DMGDH: variants seen among roughly 807,000 people sequenced by gnomAD.
The protein encoded by DMGDH is dimethylglycine dehydrogenase, also known as dimethylglycine dehydrogenase, mitochondrial.
In DMGDH, 76 loss-of-function variants were observed where a neutral mutation model predicts 95.2. The ratio of observed to expected loss-of-function variants is 0.80; its 90% CI spans 0.66 to 0.97. The LOEUF is 0.97. DMGDH is among the 50% of genes least tolerant of loss of function. The pLI is 0.00. For missense variants in DMGDH, 987 were observed against 1,055.0 expected (o/e 0.94, Z 0.89); for synonymous variants, 345 against 377.6 (o/e 0.91, Z 1.00).
intron 3 of DMGDH, 81 bp downstream of exon 3, chr5:79,055,729 T>G: frequency 1.1e-6 from 1 of 899,886 alleles, no homozygotes; most frequent in Non-Finnish European, 1.8e-6. Flanking sequence ...TCATACACAA[T>G]GATGCATCAA....
Position 79,051,462 on chromosome 5 carries a change from A to G in DMGDH, c.570T>C (p.Asp190=), listed in dbSNP as rs1754858314. ...KVLAGLYNPG[D]GHIDPYSLTM... is the part of the protein sequence containing the mutation. Reference sequence around the variant, plus strand: ...TTAGAGAATAAGGATCAATGTGACCATCTCCAGGATTATACAATCCAGCTA... The same window carrying G: ...TTAGAGAATAAGGATCAATGTGACCGTCTCCAGGATTATACAATCCAGCTA... The change falls in exon 5 of 16, where the codon GAT becomes GAC. Residue 190 remains aspartate (D), a synonymous_variant. Transcript: ENST00000255189. The G allele has an allele frequency of 6.2e-7, 1 of 1,614,068 alleles. No individual in the cohort carries two copies.
chr5:79,011,335 G>A (rs1409174542), intron 14 of DMGDH, among the ~76,000 whole-genome samples: 2 of 152,198 alleles, frequency 1.3e-5, no homozygotes, highest in Admixed American at 6.5e-5. Context: ...GCAACAAAGT[G>A]AGTTAGCACC....
intron 14 of DMGDH, among the ~76,000 whole-genome samples, chr5:79,013,182 T>C (rs986932894): frequency 6.6e-5 from 10 of 152,230 alleles, no homozygotes; most frequent in Admixed American, 2.0e-4. Context: ...ACATCTTGAA[T>C]GCTTTGCTGC....
At chr5:79,040,588 A>G (rs1456391849) in intron 7 of DMGDH, among the ~76,000 whole-genome samples, 1 of 152,210 alleles carries the variant, frequency 6.6e-6, no homozygotes, top group Non-Finnish European at 1.5e-5. Context: ...GTACATGTGA[A>G]CCAAGGAAAA....
chr5:79,059,271 G>A (rs1386988531), intron 2 of DMGDH, among the ~76,000 whole-genome samples: 2 of 152,204 alleles, frequency 1.3e-5, no homozygotes, highest in Non-Finnish European at 2.9e-5. Flanking sequence ...GCGATGTGAA[G>A]GCCTGGTTCT....
chr5:79,069,584 G>T lies in DMGDH; in HGVS notation c.37C>A (p.Leu13Met). Residue 13 changes from leucine to methionine, a missense_variant, in exon 1 of 16, where the codon CTG becomes ATG. By Grantham distance (15) the Leu-to-Met change is conservative. Coordinates refer to ENST00000255189, the MANE Select transcript of DMGDH (RefSeq NM_013391.3). The stretch of plus-strand genomic sequence containing the variant: ...CCCTGCAGCGGGCAGCTCCGCAGCA[G>T]GAGGCCCCGCAGCAGCTGCGCGCCG... The part of the protein sequence containing the change: ...RPGAQLLRGL[L>M]LRSCPLQGSP... 1.5e-6 allele frequency: 2 copies of T among 1,361,042 alleles called. No individual in the cohort carries two copies. The highest frequency in any genetic ancestry group is 1.5e-5 in the African/African-American group (1 of 66,504). The allele number at this position is 1,361,042 out of a possible 1,614,324, so 84.3% of individuals were successfully genotyped here.
chr5:79,044,986 A>G (rs1345052895), intron 5 of DMGDH, among the ~76,000 whole-genome samples: 2 of 152,186 alleles, frequency 1.3e-5, no homozygotes, highest in African/African-American at 4.8e-5. Flanking sequence ...CCAACATAAT[A>G]CATAATGATA....
At chr5:79,060,981 G>A (rs1357161303) in intron 2 of DMGDH, among the ~76,000 whole-genome samples, 1 of 151,830 alleles carries the variant, frequency 6.6e-6, no homozygotes, top group Non-Finnish European at 1.5e-5. Context: ...CAGCACTTTG[G>A]GAGGCTTAAG....
intron 13 of DMGDH, 93 bp downstream of exon 13, chr5:79,026,331 C>T (rs1753999688): frequency 6.6e-7 from 1 of 1,526,298 alleles, no homozygotes; most frequent in Admixed American, 1.7e-5. Context: ...TCTCTTACAG[C>T]CAAAACCAAT....
At chr5:79,027,687 G>A (rs146797530) in intron 12 of DMGDH, among the ~76,000 whole-genome samples, 32 of 152,152 alleles carry the variant, frequency 2.1e-4, no homozygotes, top group African/African-American at 7.7e-4. Flanking sequence ...CAGTCTGGAA[G>A]GAAAGAAGGA....
intron 7 of DMGDH, among the ~76,000 whole-genome samples, chr5:79,036,177 T>C (rs1380686792): frequency 1.3e-5 from 2 of 152,172 alleles, no homozygotes; most frequent in African/African-American, 2.4e-5. Context: ...GCATGGCACA[T>C]AGTGGGCAAG....
chr5:79,062,157 C>T (rs751115036), intron 2 of DMGDH, among the ~76,000 whole-genome samples: 9 of 151,890 alleles, frequency 5.9e-5, no homozygotes, highest in Admixed American at 1.3e-4. Flanking sequence ...GTTGGCAGGT[C>T]GCCTCTTTGA....
chr5:79,056,621 AGGT>A (rs1755037797), intron 2 of DMGDH, among the ~76,000 whole-genome samples: 1 of 150,998 alleles, frequency 6.6e-6, no homozygotes, highest in South Asian at 2.1e-4. Flanking sequence ...TGGGAGGCCG[AGGT>A]GGGTGGATTA....
Position 79,054,183 on chromosome 5 carries a change from C to T in DMGDH, c.540+1G>A. ...GGTAAAAATGCCCTTAAGATAAATACCTTATTCATGTTGAGTAAAGGGAAC... is the reference window on the plus strand; with the variant it reads ...GGTAAAAATGCCCTTAAGATAAATATCTTATTCATGTTGAGTAAAGGGAAC... On this transcript the variant is annotated splice_donor_variant, in intron 4 of 15. Transcript: ENST00000255189. LOFTEE classifies it high-confidence loss of function. 1 of 1,613,618 alleles carries T rather than the reference C, an allele frequency of 6.2e-7. No homozygotes were observed. The highest frequency in any genetic ancestry group is 1.7e-5 in the Admixed American group (1 of 60,020).
Position 79,063,634 on chromosome 5 carries a change from C to T in DMGDH, c.255G>A (p.Thr85=), listed in dbSNP as rs761103456. ...DVVLLEKSEL[T]AGSTWHAAGL... is the part of the protein sequence containing the mutation. The stretch of plus-strand genomic sequence containing the variant: ...TTACTGCGTGCCAGGTAGATCCAGC[C>T]GTGAGCTCTGATTTCTCCAGCAGGA... The change falls in exon 2 of 16, where the codon ACG becomes ACA. Residue 85 remains threonine, a synonymous_variant. Transcript: ENST00000255189. The T allele has an allele frequency of 6.8e-6, 11 of 1,614,060 alleles. No homozygotes were observed. The highest frequency in any genetic ancestry group is 2.2e-5 in the East Asian group (1 of 44,884).
chr5:79,020,634 C>G, intron 14 of DMGDH: 4 of 957,828 alleles, frequency 4.2e-6, no homozygotes, highest in Non-Finnish European at 5.0e-6. Context: ...AAAAGAGACC[C>G]TGCATTTTCT....
At chr5:79,063,853 C>T (rs1755287923) in intron 1 of DMGDH, 66 bp from the exon 2 acceptor site, 2 of 1,520,114 alleles carry the variant, frequency 1.3e-6, no homozygotes, top group Admixed American at 3.3e-5. Context: ...TGGCCTAAAG[C>T]ACTTCCCCTT....
rs532964 is a variant in DMGDH at position 79,044,463 on chromosome 5, A to G, written c.835T>C (p.Ser279Pro). The change falls in exon 6 of 16, where the codon TCT becomes CCT. Residue 279 changes from serine to proline, a missense_variant. Transcript: ENST00000255189. The part of the protein sequence containing the change: ...QHQYVVTSTI[S>P]EVKALKRELP... ...TCTCGTTTCAAAGCTTTCACTTCAG[A>G]TATAGTCGATGTAACAACATATTGA... 0.54 allele frequency: 867,251 copies of G among 1,613,386 alleles called. 235,549 individuals are homozygous for G. The highest frequency in any genetic ancestry group is 0.77 in the East Asian group (34,398 of 44,870).
At position 79,000,462 on chromosome 5, in the gene DMGDH, A is replaced by G. The variant is rs112933864; in HGVS notation, c.2386-2165T>C. The G allele has an allele frequency of 9.2e-5, 57 of 617,384 alleles. 1 individual carries two copies. The highest frequency in any genetic ancestry group is 8.6e-4 in the African/African-American group (47 of 54,626). 38.2% of individuals were successfully genotyped at this position (617,384 alleles called of 1,614,324 possible). On this transcript the variant is annotated intron_variant, in intron 15 of 15. Coordinates refer to ENST00000255189, the MANE Select transcript of DMGDH (RefSeq NM_013391.3). Reference sequence around the variant, plus strand: ...TCACCTGTTTGGGACAAACTACTGGATCAAAGTCTGCCTGAAAAGTACTTA... The same window carrying G: ...TCACCTGTTTGGGACAAACTACTGGGTCAAAGTCTGCCTGAAAAGTACTTA...
Sources: allele counts gnomAD v4.1 joint callset (sites outside exome capture counted in the v4.1 genomes callset), GRCh38; gene constraint gnomAD v4.1.1; transcripts MANE v1.5; gene names NCBI Gene and HGNC (gene_info 2026-07-23, HGNC 2026-07-21).